POLR2B: variants seen among roughly 807,000 people sequenced by gnomAD.
POLR2B encodes the protein DNA-directed RNA polymerase II subunit RPB2.
Under a neutral mutation model 144.6 loss-of-function variants are expected in POLR2B, and 57 were observed. That is an observed-to-expected ratio of 0.39 (90% CI 0.32 to 0.49). The LOEUF is 0.49. POLR2B is among the 20% of genes least tolerant of loss of function. The pLI is 0.83. For synonymous variants in POLR2B, 442 were observed against 469.8 expected (o/e 0.94, Z 0.77); for missense variants, 595 against 1,467.4 (o/e 0.41, Z 9.71).
Position 57,023,351 on chromosome 4 carries a change from A to G in POLR2B, c.2537A>G (p.Asp846Gly), listed in dbSNP as rs1417453505. The change falls in exon 19 of 25, where the codon GAC becomes GGC. Residue 846 changes from aspartate to glycine, a missense_variant. By Grantham distance (94) the Asp-to-Gly change is moderately conservative (BLOSUM62 -1). Transcript: ENST00000314595. The surrounding 1 kb of genome is among the most constrained non-coding windows in gnomAD (Gnocchi z 4.3). ...TCQGMRHAIY[D>G]KLDDDGLIAP... ...ACAGGCATGAGGCATGCCATTTACG[A>G]CAAGCTGGATGATGATGGTTTGATA... is the stretch of plus-strand genomic sequence containing the variant. 1 of 1,614,006 alleles carries G rather than the reference A, an allele frequency of 6.2e-7. No individual in the cohort carries two copies. Among genetic ancestry groups the G allele is most frequent in the South Asian group, 1.1e-5 (1 of 91,080 alleles).
chr4:57,012,111 T>C lies in POLR2B; in HGVS notation c.1800+1011T>C, dbSNP rs369748843. Among the ~76,000 whole-genome samples the C allele has an allele frequency of 5.5e-4, 83 of 151,744 alleles. 1 individual carries two copies. In the South Asian group the frequency reaches 0.014, roughly 26 times the overall value. On this transcript the variant is annotated intron_variant, in intron 13 of 24. Transcript: ENST00000314595. The stretch of plus-strand genomic sequence containing the variant: ...GGGATTAGGATGGGTTTTAAAAAAA[T>C]CATTACAATAAGGCCGGGCCTGGTG...
intron 1 of POLR2B, 111 bp downstream of exon 1, chr4:56,979,115 C>G (rs1342162552): frequency 1.2e-5 from 14 of 1,133,402 alleles, no homozygotes; most frequent in Admixed American, 1.2e-4. Context: ...TGCACAGTCC[C>G]CAGCCTTGTT....
At position 57,005,595 on chromosome 4, in the gene POLR2B, T is replaced by A. The variant is rs1722994391; in HGVS notation, c.1098-5T>A. The stretch of plus-strand genomic sequence containing the variant: ...CTTTCTTTCTTTCTTTTTTTTTTTT[T>A]AAAGATACATGGTTCATAGGTTACT... On this transcript the variant is annotated splice_polypyrimidine_tract_variant and splice_region_variant and intron_variant, in intron 8 of 24. Coordinates refer to ENST00000314595, the MANE Select transcript of POLR2B (RefSeq NM_000938.3). The A allele has an allele frequency of 3.9e-6, 6 of 1,548,724 alleles. No individual in the cohort carries two copies. Among genetic ancestry groups the A allele is most frequent in the African/African-American group, 2.8e-5 (2 of 71,474 alleles).
intron 6 of POLR2B, among the ~76,000 whole-genome samples, chr4:56,996,278 ATTTTTT>A (rs869299001): frequency 1.7e-5 from 1 of 59,730 alleles, no homozygotes; most frequent in Non-Finnish European, 3.4e-5. Context: ...ATATATATAT[ATTTTTT>A]TTTTTTTTTT....
rs751893490 is a variant in POLR2B, at chr4:57,010,349, A to G, written c.1405-12A>G. The G allele has an allele frequency of 7.4e-6, 12 of 1,611,874 alleles. No individual in the cohort carries two copies. The highest frequency in any genetic ancestry group is 6.7e-5 in the East Asian group (3 of 44,864). On this transcript the variant is annotated splice_polypyrimidine_tract_variant and intron_variant, in intron 10 of 24. Coordinates refer to ENST00000314595, the MANE Select transcript of POLR2B (RefSeq NM_000938.3). ...AATGTCCAGACTTTAAAGATTGGCT[A>G]TTTTTTTCTAGGTGTTAAACCGCCT...
rs1722765347 is a variant in POLR2B, at chr4:56,998,736, T to C, written c.736-881T>C. Among the ~76,000 whole-genome samples, 5 of 152,168 alleles carry C rather than the reference T, an allele frequency of 3.3e-5. 1 individual carries two copies. The highest frequency in any genetic ancestry group is 4.1e-4 in the South Asian group (2 of 4,822). Reference sequence around the variant, plus strand: ...ATAATAGACTAAATGGAATAATTGATGTCCAGGTGGAAACAACCAATTGGC... The same window carrying C: ...ATAATAGACTAAATGGAATAATTGACGTCCAGGTGGAAACAACCAATTGGC... On this transcript the variant is annotated intron_variant, in intron 6 of 24. Coordinates refer to ENST00000314595, the MANE Select transcript of POLR2B (RefSeq NM_000938.3).
intron 11 of POLR2B, 102 bp from the exon 12 acceptor site, chr4:57,010,642 AAAGT>A (rs1468409459): frequency 1.5e-6 from 2 of 1,330,056 alleles, no homozygotes; most frequent in Non-Finnish European, 2.1e-6. Context: ...GTATTCTTAG[AAAGT>A]AAGAATAAAT....
At chr4:56,992,060 G>T (rs1722523037) in intron 3 of POLR2B, among the ~76,000 whole-genome samples, 1 of 152,152 alleles carries the variant, frequency 6.6e-6, no homozygotes, top group Non-Finnish European at 1.5e-5. Flanking sequence ...AAGAGGAGTA[G>T]ATCTCTAACA....
intron 3 of POLR2B, among the ~76,000 whole-genome samples, chr4:56,993,102 G>C (rs1722570877): frequency 6.6e-6 from 1 of 151,796 alleles, no homozygotes. Context: ...CCAGGAGTTT[G>C]AGACCATCCT....
At chr4:57,003,539 A>G (rs1331345669) in intron 7 of POLR2B, among the ~76,000 whole-genome samples, 1 of 152,084 alleles carries the variant, frequency 6.6e-6, no homozygotes, top group Non-Finnish European at 1.5e-5. Context: ...TGGGCAACAT[A>G]ATGAGACCCC....
chr4:56,999,438 A>C (rs1722789905), intron 6 of POLR2B, among the ~76,000 whole-genome samples, 179 bp from the exon 7 acceptor site: 1 of 152,100 alleles, frequency 6.6e-6, no homozygotes, highest in Non-Finnish European at 1.5e-5. Context: ...ATGTAAAATT[A>C]GTATACTTGT....
At position 57,006,811 on chromosome 4, in the gene POLR2B, G is replaced by A. The variant is rs778103318; in HGVS notation, c.1218-5G>A. On this transcript the variant is annotated splice_region_variant and splice_polypyrimidine_tract_variant and intron_variant, in intron 9 of 24. Transcript: ENST00000314595. ...TGTTTAAAATAATACCATTTTATTC[G>A]GCAGTATGTTTAAGAATTTGCTTAA... 14 of 1,595,736 alleles carry A rather than the reference G, an allele frequency of 8.8e-6. No homozygotes were observed. The highest frequency in any genetic ancestry group is 3.4e-5 in the Admixed American group (2 of 59,662).
Position 57,006,449 on chromosome 4 carries a change from C to T in POLR2B, c.1218-367C>T, listed in dbSNP as rs560669017. ...CCTCCCAAGTAGCTGGGACTACAGG[C>T]GTGTGCCATCACACCCAGCTAATTT... On this transcript the variant is annotated intron_variant, in intron 9 of 24. Coordinates refer to ENST00000314595, the MANE Select transcript of POLR2B (RefSeq NM_000938.3). Among the ~76,000 whole-genome samples the T allele has an allele frequency of 1.2e-4, 18 of 152,300 alleles. No homozygotes were observed. The South Asian group carries it at 3.5e-3, about 30-fold the overall frequency.
intron 23 of POLR2B, among the ~76,000 whole-genome samples, chr4:57,029,307 TA>T (rs946025333): frequency 2.6e-5 from 4 of 152,236 alleles, no homozygotes; most frequent in African/African-American, 9.6e-5. Flanking sequence ...AGACTACTTC[TA>T]AAACTTTGTT....
At chr4:57,027,655 T>C (rs935808246) in intron 23 of POLR2B, among the ~76,000 whole-genome samples, 7 of 152,202 alleles carry the variant, frequency 4.6e-5, no homozygotes, top group African/African-American at 1.7e-4. Flanking sequence ...AAGTTGTAGT[T>C]TCTCAAAGGT....
At chr4:57,021,424 G>T (rs1475117619) in intron 17 of POLR2B, among the ~76,000 whole-genome samples, 1 of 150,904 alleles carries the variant, frequency 6.6e-6, no homozygotes, top group Non-Finnish European at 1.5e-5. Flanking sequence ...TCCTTTGTCT[G>T]TGTAGTTTCA....
chr4:57,007,762 A>G (rs1399267412), intron 10 of POLR2B, among the ~76,000 whole-genome samples: 1 of 152,218 alleles, frequency 6.6e-6, no homozygotes, highest in East Asian at 1.9e-4. Flanking sequence ...AGCTTTTTAA[A>G]GAGTGTATCA....
intron 9 of POLR2B, 40 bp from the exon 10 acceptor site, chr4:57,006,776 G>GACCT (rs1305243133): frequency 8.2e-6 from 12 of 1,461,774 alleles, no homozygotes; most frequent in Non-Finnish European, 1.1e-5. Context: ...ATATGTTGTA[G>GACCT]ACCTCTACAT....
chr4:56,979,027 C>T, intron 1 of POLR2B, 23 bp downstream of exon 1: 1 of 1,611,184 alleles, frequency 6.2e-7, no homozygotes, highest in South Asian at 1.1e-5. Flanking sequence ...TCAAAACACA[C>T]GCCGTGGCGG....
Sources: gnomAD v4.1 joint callset for allele counts (sites outside exome capture counted in the v4.1 genomes callset) on GRCh38, gnomAD v4.1.1 for gene constraint, Gnocchi (gnomAD v3.1) non-coding constraint, MANE v1.5 for transcripts, NCBI Gene and HGNC (gene_info 2026-07-23, HGNC 2026-07-21) for gene names.